The following RBL1 variants were observed in gnomAD, a reference collection of about 807,000 sequenced individuals.
RBL1 encodes RB transcriptional corepressor like 1, also known as retinoblastoma-like protein 1.
A neutral mutation model predicts 123.0 loss-of-function variants in RBL1; 82 were observed. The ratio of observed to expected loss-of-function variants is 0.67; its 90% CI spans 0.56 to 0.80. The LOEUF is 0.80. RBL1 is among the 30% of genes least tolerant of loss of function. The probability of loss-of-function intolerance (pLI) is 0.00; values close to 1 mark genes in which losing one functional copy is unlikely to be tolerated. For missense variants in RBL1, 1,171 were observed against 1,299.6 expected, an observed-to-expected ratio of 0.90 and a Z score of 1.52; for synonymous variants, 405 against 441.3, an observed-to-expected ratio of 0.92 and a Z score of 1.03.
intron 12 of RBL1, 61 bp from the exon 13 acceptor site, chr20:37,044,311 G>A: frequency 6.6e-7 from 1 of 1,504,008 alleles, no homozygotes; most frequent in South Asian, 1.2e-5. Flanking sequence ...GTCTGGACTT[G>A]CATGTAGGAC....
At chr20:37,046,165 T>C (rs2064816368) in intron 12 of RBL1, among the ~76,000 whole-genome samples, 1 of 152,246 alleles carries the variant, frequency 6.6e-6, no homozygotes, top group East Asian at 1.9e-4. Flanking sequence ...AATCTATTAT[T>C]ACGGCTTTAT....
intron 20 of RBL1, among the ~76,000 whole-genome samples, chr20:37,004,802 C>T (rs957098654): frequency 1.5e-4 from 23 of 151,002 alleles, no homozygotes; most frequent in African/African-American, 1.7e-4. Flanking sequence ...CCAAGGTGCT[C>T]GGATCACTTG....
intron 21 of RBL1, among the ~76,000 whole-genome samples, chr20:37,001,112 C>T (rs1223453396): frequency 3.9e-5 from 5 of 128,448 alleles, no homozygotes; most frequent in African/African-American, 1.5e-4. Flanking sequence ...CGCCCTGTCC[C>T]GGAGGGAGGC....
At chr20:37,029,552 T>C (rs1423296345) in intron 16 of RBL1, among the ~76,000 whole-genome samples, 1 of 152,150 alleles carries the variant, frequency 6.6e-6, no homozygotes, top group Non-Finnish European at 1.5e-5. Context: ...GATGTTTGCT[T>C]TCACCACTTT....
Position 37,066,296 on chromosome 20 carries a change from A to G in RBL1, c.846+428T>C, listed in dbSNP as rs1308311461. Among the ~76,000 whole-genome samples, 5 of 152,302 alleles carry G rather than the reference A, an allele frequency of 3.3e-5. No homozygotes were observed. In the South Asian group the frequency reaches 8.3e-4, roughly 25 times the overall value. On this transcript the variant is annotated intron_variant, in intron 6 of 21. Transcript: ENST00000373664. Reference sequence around the variant, plus strand: ...ACAAGTGGCTACAAAACTATCATGGATTTTCTGCTCGATTTACATGGAATT... The same window carrying G: ...ACAAGTGGCTACAAAACTATCATGGGTTTTCTGCTCGATTTACATGGAATT...
At chr20:37,063,238 C>T (rs1053366864) in intron 7 of RBL1, among the ~76,000 whole-genome samples, 2 of 152,060 alleles carry the variant, frequency 1.3e-5, no homozygotes, top group African/African-American at 2.4e-5. Context: ...CCACCATGCC[C>T]GGATAGTTTT....
chr20:37,057,567 G>C (rs980001958), intron 9 of RBL1, among the ~76,000 whole-genome samples: 1 of 152,112 alleles, frequency 6.6e-6, no homozygotes, highest in South Asian at 2.1e-4. Flanking sequence ...TGTTGTTCTT[G>C]AGTTTCAGGA....
At chr20:37,056,291 C>T in intron 9 of RBL1, 33 bp from the exon 10 acceptor site, 1 of 1,524,958 alleles carries the variant, frequency 6.6e-7, no homozygotes, top group Non-Finnish European at 8.7e-7. Flanking sequence ...ATTACCAAAC[C>T]AAACAAAAAC....
intron 2 of RBL1, among the ~76,000 whole-genome samples, chr20:37,079,977 T>A (rs2065422786): frequency 6.6e-6 from 1 of 152,044 alleles, no homozygotes; most frequent in South Asian, 2.1e-4. Context: ...CAGGACTTAG[T>A]CCAAATTCTA....
intron 19 of RBL1, among the ~76,000 whole-genome samples, chr20:37,011,356 C>A (rs2064144805): frequency 6.7e-6 from 1 of 150,340 alleles, no homozygotes; most frequent in African/African-American, 2.5e-5. Flanking sequence ...GAAATTCATT[C>A]TCCACTCCAA....
chr20:37,006,381 T>C (rs2064073096), intron 20 of RBL1, among the ~76,000 whole-genome samples: 1 of 149,902 alleles, frequency 6.7e-6, no homozygotes, highest in African/African-American at 2.5e-5. Flanking sequence ...TTGGTAGAGA[T>C]GGGATTTCAC....
chr20:37,018,128 T>C, intron 19 of RBL1, 151 bp downstream of exon 19: 2 of 933,644 alleles, frequency 2.1e-6, no homozygotes, highest in Non-Finnish European at 2.9e-6. Flanking sequence ...ACCAGCACAT[T>C]CTAATCTCAA....
chr20:37,064,411 T>C (rs1425058241), intron 7 of RBL1, among the ~76,000 whole-genome samples: 1 of 151,894 alleles, frequency 6.6e-6, no homozygotes, highest in Non-Finnish European at 1.5e-5. Context: ...GCTGGGATTA[T>C]AGGCATAAGC....
chr20:37,056,209 T>C lies in RBL1; in HGVS notation c.1300A>G (p.Ile434Val). The stretch of plus-strand genomic sequence containing the variant: ...TAGTGTTGACAGAAAGTCTCTCCTA[T>C]TCCTTTTAGTATTTTCATAATGTTT... ...VENIMKILKG[I>V]GETFCQHYTQ... The change falls in exon 10 of 22, where the codon ATA becomes GTA. Residue 434 changes from isoleucine to valine, a missense_variant. By Grantham distance (29) the Ile-to-Val change is conservative. Coordinates refer to ENST00000373664, the MANE Select transcript of RBL1 (RefSeq NM_002895.5). 1 of 1,611,330 alleles carries C rather than the reference T, an allele frequency of 6.2e-7. No homozygotes were observed. Among genetic ancestry groups the C allele is most frequent in the Non-Finnish European group, 8.5e-7 (1 of 1,179,826 alleles).
At chr20:37,080,545 A>G (rs1317440560) in intron 2 of RBL1, among the ~76,000 whole-genome samples, 1 of 142,084 alleles carries the variant, frequency 7.0e-6, no homozygotes, top group Non-Finnish European at 1.5e-5. Flanking sequence ...TACAACCTCC[A>G]CCTCCTGGGT....
chr20:37,029,716 T>C lies in RBL1; in HGVS notation c.2382+2949A>G, dbSNP rs117471530. On this transcript the variant is annotated intron_variant, in intron 16 of 21. Coordinates refer to ENST00000373664, the MANE Select transcript of RBL1 (RefSeq NM_002895.5). ...AACCTAAAGAATCCATAAAAACTGA[T>C]AGAATTAATAAACAAATCAGCAAAG... is the stretch of plus-strand genomic sequence containing the variant. Among the ~76,000 whole-genome samples, 50 of 152,276 alleles carry C rather than the reference T, an allele frequency of 3.3e-4. No individual in the cohort carries two copies. The East Asian group carries it at 7.7e-3, about 23-fold the overall frequency.
At chr20:37,049,892 G>A (rs892533977) in intron 11 of RBL1, among the ~76,000 whole-genome samples, 27 of 151,702 alleles carry the variant, frequency 1.8e-4, no homozygotes, top group Non-Finnish European at 2.5e-4. Flanking sequence ...GAGAAACCCC[G>A]TCTCTACAAA....
At chr20:37,011,872 C>T (rs1168766021) in intron 19 of RBL1, among the ~76,000 whole-genome samples, 1 of 152,200 alleles carries the variant, frequency 6.6e-6, no homozygotes, top group African/African-American at 2.4e-5. Flanking sequence ...CTCCCACTCC[C>T]TCTCCCCACG....
chr20:37,056,348 C>CTTT, intron 9 of RBL1, 90 bp from the exon 10 acceptor site: 1 of 950,476 alleles, frequency 1.1e-6, no homozygotes, highest in Non-Finnish European at 1.4e-6. Context: ...ATGCCTTCTT[C>CTTT]TTCTTTTTTT....
Sources: allele counts gnomAD v4.1 joint callset (sites outside exome capture counted in the v4.1 genomes callset), GRCh38; gene constraint gnomAD v4.1.1; transcripts MANE v1.5; gene names NCBI Gene and HGNC (gene_info 2026-07-23, HGNC 2026-07-21).